SLCO1C1: variants seen among roughly 807,000 people sequenced by gnomAD.
SLCO1C1 encodes the protein solute carrier organic anion transporter family member 1C1.
In SLCO1C1, 70 loss-of-function variants were observed where a neutral mutation model predicts 76.4. That is an observed-to-expected ratio of 0.92 (90% CI 0.76 to 1.12). The LOEUF is 1.12. Among genes scored for constraint, SLCO1C1 ranks in the 50% most tolerant of loss-of-function variants. The probability of loss-of-function intolerance (pLI) is 0.00; values close to 1 mark genes in which losing one functional copy is unlikely to be tolerated. For missense variants in SLCO1C1, 912 were observed against 823.8 expected (o/e 1.11, Z -1.31); for synonymous variants, 306 against 286.1 (o/e 1.07, Z -0.70).
chr12:20,735,146 T>G (rs1948480885), intron 10 of SLCO1C1, among the ~76,000 whole-genome samples: 1 of 152,146 alleles, frequency 6.6e-6, no homozygotes, highest in Non-Finnish European at 1.5e-5. Flanking sequence ...TTATAAAATA[T>G]AAAATGTTTC....
intron 1 of SLCO1C1, among the ~76,000 whole-genome samples, chr12:20,696,090 A>G (rs957473469): frequency 2.0e-5 from 3 of 152,088 alleles, no homozygotes; most frequent in African/African-American, 7.2e-5. Context: ...ATGGAATTCT[A>G]ATATTACGTT....
intron 3 of SLCO1C1, among the ~76,000 whole-genome samples, chr12:20,703,083 T>C (rs543437151): frequency 6.6e-6 from 1 of 152,044 alleles, no homozygotes; most frequent in African/African-American, 2.4e-5. Flanking sequence ...TGCCTTAAAA[T>C]GGCTTAAAAG....
intron 8 of SLCO1C1, among the ~76,000 whole-genome samples, chr12:20,722,330 A>G (rs747967602): frequency 2.0e-5 from 3 of 152,210 alleles, no homozygotes; most frequent in Non-Finnish European, 2.9e-5. Flanking sequence ...TGCTTCCTGT[A>G]ATTCTGTGTA....
chr12:20,743,414 T>C, intron 13 of SLCO1C1, 45 bp downstream of exon 13: 2 of 1,453,768 alleles, frequency 1.4e-6, no homozygotes, highest in South Asian at 1.2e-5. Flanking sequence ...ACCGTAAGTG[T>C]ATTTTGAAGA....
intron 3 of SLCO1C1, among the ~76,000 whole-genome samples, chr12:20,703,303 T>C (rs1393344276): frequency 6.6e-6 from 1 of 151,992 alleles, no homozygotes; most frequent in East Asian, 1.9e-4. Context: ...TTGTTGAAAT[T>C]CTATTAGTTT....
At chr12:20,739,803 G>A (rs928093412) in intron 11 of SLCO1C1, among the ~76,000 whole-genome samples, 1 of 152,158 alleles carries the variant, frequency 6.6e-6, no homozygotes, top group African/African-American at 2.4e-5. Context: ...CTTACTGGGT[G>A]GAAAGCAGAT....
chr12:20,709,983 C>T (rs112248104), intron 4 of SLCO1C1, among the ~76,000 whole-genome samples: 10 of 150,812 alleles, frequency 6.6e-5, no homozygotes, highest in African/African-American at 2.2e-4. Flanking sequence ...TCAAGGAACC[C>T]TTTGATAAAA....
intron 7 of SLCO1C1, 117 bp from the exon 8 acceptor site, chr12:20,721,687 G>A (rs1947681953): frequency 1.6e-6 from 2 of 1,258,308 alleles, no homozygotes; most frequent in Non-Finnish European, 2.1e-6. Flanking sequence ...TAGCATAGAT[G>A]AATTATTAGG....
intron 10 of SLCO1C1, among the ~76,000 whole-genome samples, chr12:20,734,996 G>A (rs1181331261): frequency 6.6e-6 from 1 of 151,936 alleles, no homozygotes; most frequent in Non-Finnish European, 1.5e-5. Context: ...AAACATTCTG[G>A]CATATTTGTT....
chr12:20,731,980 A>T (rs534009541), intron 9 of SLCO1C1, among the ~76,000 whole-genome samples: 9 of 152,328 alleles, frequency 5.9e-5, no homozygotes, highest in Non-Finnish European at 1.2e-4. Flanking sequence ...GTTTAGAGAC[A>T]TTCAAAGAAT....
At position 20,699,648 on chromosome 12, in the gene SLCO1C1, T is replaced by C; in HGVS notation, c.72T>C (p.Ser24=). The C allele has an allele frequency of 3.7e-6, 6 of 1,612,632 alleles. No homozygotes were observed. The highest frequency in any genetic ancestry group is 5.1e-6 in the Non-Finnish European group (6 of 1,179,198). The change falls in exon 2 of 15, where the codon TCT becomes TCC. Residue 24 remains serine (S), a synonymous_variant. Transcript: ENST00000266509. ...KTSVQPVGRP[S]FKTEYPSSEE... ...CAGTGCAACCTGTTGGAAGGCCTTC[T>C]TTTAAAACAGAATATCCCTCCTCAG...
chr12:20,702,228 A>G (rs1592220354), intron 3 of SLCO1C1, among the ~76,000 whole-genome samples: 1 of 152,058 alleles, frequency 6.6e-6, no homozygotes, highest in East Asian at 1.9e-4. Context: ...AACTGCTCCA[A>G]TTTTAGCTTT....
intron 14 of SLCO1C1, among the ~76,000 whole-genome samples, chr12:20,751,319 T>C (rs1240710280): frequency 2.0e-5 from 3 of 152,080 alleles, no homozygotes; most frequent in Non-Finnish European, 2.9e-5. Context: ...TGAGTGTATA[T>C]GGGGGTTGGG....
intron 13 of SLCO1C1, among the ~76,000 whole-genome samples, chr12:20,745,730 C>T (rs902246836): frequency 2.0e-5 from 3 of 151,612 alleles, no homozygotes; most frequent in Non-Finnish European, 4.4e-5. Context: ...GAGGCTGAGG[C>T]AGGAGAATTG....
intron 9 of SLCO1C1, among the ~76,000 whole-genome samples, chr12:20,724,409 GTGTATATATATATATATATATA>G (rs1363508554): frequency 2.7e-4 from 18 of 65,530 alleles, no homozygotes; most frequent in Admixed American, 1.3e-3. Context: ...GTGTGTGTGT[GTGTATATATATATATATATATA>G]TATATATATA....
At chr12:20,699,922 C>G (rs761253301) in intron 2 of SLCO1C1, 2 of 390,630 alleles carry the variant, frequency 5.1e-6, no homozygotes, top group South Asian at 8.4e-5. Flanking sequence ...AAATGCCCCC[C>G]CAAACAGAAA....
chr12:20,728,019 G>T (rs1277333985), intron 9 of SLCO1C1, among the ~76,000 whole-genome samples: 1 of 152,084 alleles, frequency 6.6e-6, no homozygotes, highest in Non-Finnish European at 1.5e-5. Context: ...AAGCTCTTTA[G>T]TTTAATTAAT....
intron 4 of SLCO1C1, among the ~76,000 whole-genome samples, chr12:20,710,828 A>C (rs922212814): frequency 2.0e-5 from 3 of 152,212 alleles, no homozygotes; most frequent in Non-Finnish European, 4.4e-5. Context: ...TGACTCAGAA[A>C]AAATCATGAT....
chr12:20,752,271 G>T, intron 14 of SLCO1C1, 35 bp from the exon 15 acceptor site: 1 of 1,368,438 alleles, frequency 7.3e-7, no homozygotes, highest in Non-Finnish European at 9.9e-7. Context: ...GTTGGTTGTT[G>T]CATTAATTAT....
Sources: gnomAD v4.1 joint callset for allele counts (sites outside exome capture counted in the v4.1 genomes callset) on GRCh38, gnomAD v4.1.1 for gene constraint, MANE v1.5 for transcripts, NCBI Gene and HGNC (gene_info 2026-07-23, HGNC 2026-07-21) for gene names.